The following LRRC17 variants were observed in gnomAD, a reference collection of about 807,000 sequenced individuals.
The protein encoded by LRRC17 is leucine rich repeat containing 17, also known as leucine-rich repeat-containing protein 17.
A neutral mutation model predicts 41.5 loss-of-function variants in LRRC17; 33 were observed. The ratio of observed to expected loss-of-function variants is 0.80; its 90% CI spans 0.60 to 1.06. The LOEUF (loss-of-function observed/expected upper bound fraction) is 1.06, where lower values mean the gene tolerates loss of function less well. Ranked by LOEUF, LRRC17 falls within the 50% of genes least tolerant of loss-of-function variation. The pLI is 0.00. For missense variants in LRRC17, 491 were observed against 519.3 expected (o/e 0.95, Z 0.53); for synonymous variants, 192 against 197.0 (o/e 0.97, Z 0.21).
intron 1 of LRRC17, among the ~76,000 whole-genome samples, chr7:102,919,465 T>C (rs1156973568): frequency 6.6e-6 from 1 of 152,148 alleles, no homozygotes; most frequent in African/African-American, 2.4e-5. Flanking sequence ...AAAAATATAT[T>C]TTAGTGTTCA....
intron 1 of LRRC17, among the ~76,000 whole-genome samples, chr7:102,932,187 A>G (rs558349385): frequency 5.3e-5 from 8 of 152,318 alleles, no homozygotes; most frequent in South Asian, 2.1e-4. Context: ...TTACTTTGGG[A>G]AAAACACTAT....
chr7:102,920,302 ACT>A (rs1816731374), intron 1 of LRRC17, among the ~76,000 whole-genome samples: 2 of 152,336 alleles, frequency 1.3e-5, no homozygotes, highest in Non-Finnish European at 1.5e-5. Flanking sequence ...AGACAGAAAT[ACT>A]GAGTACAGTG....
Position 102,944,195 on chromosome 7 carries a change from AT to A in LRRC17, c.929-11del, listed in dbSNP as rs779000073. On this transcript the variant is annotated splice_polypyrimidine_tract_variant and intron_variant, in intron 3 of 3. Coordinates refer to ENST00000339431, the MANE Select transcript of LRRC17 (RefSeq NM_001031692.3). ...ACTCAATTACTCAGGCTCAATAAATATTTTCTGTTTCCAGCCGCTTTTTTAG... is the reference window on the plus strand; with the variant it reads ...ACTCAATTACTCAGGCTCAATAAATATTTCTGTTTCCAGCCGCTTTTTTAG... 3.8e-6 allele frequency: 6 copies of A among 1,583,730 alleles called. No homozygotes were observed. The Admixed American group carries it at 1.1e-4, about 28-fold the overall frequency.
chr7:102,944,728 T>G lies in LRRC17; in HGVS notation c.*121T>G. ...GCAGGGTAATCCAGCTAAAGGAAGC[T>G]TTCTTTAATTATAAGTATTATTGTG... On this transcript the variant is annotated 3_prime_UTR_variant, in exon 4 of 4. Coordinates refer to ENST00000339431, the MANE Select transcript of LRRC17 (RefSeq NM_001031692.3). 1 of 832,232 alleles carries G rather than the reference T, an allele frequency of 1.2e-6. No individual in the cohort carries two copies. The highest frequency in any genetic ancestry group is 1.8e-6 in the Non-Finnish European group (1 of 550,368). The allele number at this position is 832,232 out of a possible 1,614,324, so 51.6% of individuals were successfully genotyped here.
chr7:102,940,123 A>G (rs952983806), intron 3 of LRRC17, among the ~76,000 whole-genome samples: 1 of 151,480 alleles, frequency 6.6e-6, no homozygotes, highest in South Asian at 2.1e-4. Flanking sequence ...CAAACTCCTG[A>G]CCTCAGGTGA....
At chr7:102,935,244 T>C (rs398089032) in intron 2 of LRRC17, among the ~76,000 whole-genome samples, 12 of 6,706 alleles carry the variant, frequency 1.8e-3, no homozygotes, top group Non-Finnish European at 4.9e-3. Flanking sequence ...TTTTCTTTCT[T>C]TTTTTTTTTT....
Position 102,934,500 on chromosome 7 carries a change from A to G in LRRC17, c.587A>G (p.Gln196Arg), listed in dbSNP as rs1819894170. 1 of 1,613,818 alleles carries G rather than the reference A, an allele frequency of 6.2e-7. No individual in the cohort carries two copies. Among genetic ancestry groups the G allele is most frequent in the Non-Finnish European group, 8.5e-7 (1 of 1,180,008 alleles). ...AACTACGCCAAGTGTGAAAGTCCACAAGAACAAAAAAATAAAAAACTGCGG... is the reference window on the plus strand; with the variant it reads ...AACTACGCCAAGTGTGAAAGTCCACGAGAACAAAAAAATAAAAAACTGCGG... ...LGNYAKCESPQEQKNKKLRQI... is the reference protein window; with the variant it reads ...LGNYAKCESPREQKNKKLRQI... Residue 196 changes from glutamine to arginine, a missense_variant, in exon 2 of 4, where the codon CAA becomes CGA. Coordinates refer to ENST00000339431, the MANE Select transcript of LRRC17 (RefSeq NM_001031692.3).
chr7:102,916,670 G>A (rs1252661793), intron 1 of LRRC17, among the ~76,000 whole-genome samples: 9 of 152,244 alleles, frequency 5.9e-5, no homozygotes, highest in Non-Finnish European at 4.4e-5. Context: ...TCCCCTACAT[G>A]AGTAAGATCT....
At chr7:102,931,948 T>A (rs763120542) in intron 1 of LRRC17, 1 of 1,612,232 alleles carries the variant, frequency 6.2e-7, no homozygotes, top group Non-Finnish European at 8.5e-7. Context: ...ATCAAATAAG[T>A]TACACGTCAC....
chr7:102,919,138 T>TA (rs1368341761), intron 1 of LRRC17, among the ~76,000 whole-genome samples: 1 of 152,210 alleles, frequency 6.6e-6, no homozygotes, highest in Non-Finnish European at 1.5e-5. Context: ...GTTGATAGCT[T>TA]AAAATCGGCC....
Position 102,939,512 on chromosome 7 carries a change from C to A in LRRC17, c.855C>A (p.Pro285=). The A allele has an allele frequency of 6.2e-7, 1 of 1,613,888 alleles. No individual in the cohort carries two copies. Among genetic ancestry groups the A allele is most frequent in the South Asian group, 1.1e-5 (1 of 91,048 alleles). Residue 285 remains proline, a synonymous_variant, in exon 3 of 4, where the codon CCC becomes CCA. Coordinates refer to ENST00000339431, the MANE Select transcript of LRRC17 (RefSeq NM_001031692.3). ...ACAATAAAATCAACCAACTTCGACC[C>A]AAGGAATTTGAAGATGTTCATGAGC... ...LSYNKINQLR[P]KEFEDVHELK... is the part of the protein sequence containing the mutation.
chr7:102,917,010 A>T (rs1397151139), intron 1 of LRRC17, among the ~76,000 whole-genome samples: 2 of 152,198 alleles, frequency 1.3e-5, no homozygotes, highest in African/African-American at 4.8e-5. Context: ...GTATTTAAAT[A>T]AAAAATTCTC....
At chr7:102,916,798 G>C (rs999832324) in intron 1 of LRRC17, among the ~76,000 whole-genome samples, 5 of 150,818 alleles carry the variant, frequency 3.3e-5, no homozygotes, top group African/African-American at 9.8e-5. Flanking sequence ...TTATGGGGGG[G>C]GGTGTGAGTC....
intron 1 of LRRC17, among the ~76,000 whole-genome samples, chr7:102,915,052 C>A (rs1395456149): frequency 1.3e-5 from 2 of 152,034 alleles, no homozygotes; most frequent in Non-Finnish European, 2.9e-5. Flanking sequence ...AAATCCAAGC[C>A]CTGACACTTA....
chr7:102,940,237 G>C (rs1821145295), intron 3 of LRRC17, among the ~76,000 whole-genome samples: 1 of 136,084 alleles, frequency 7.3e-6, no homozygotes, highest in South Asian at 2.3e-4. Context: ...TTGAGATGGA[G>C]TCTAGCTCTG....
chr7:102,928,590 T>C (rs943732521), intron 1 of LRRC17, among the ~76,000 whole-genome samples: 1 of 152,234 alleles, frequency 6.6e-6, no homozygotes, highest in Non-Finnish European at 1.5e-5. Context: ...ATGCATTGTT[T>C]TGACTTCCCT....
At position 102,934,499 on chromosome 7, in the gene LRRC17, C is replaced by T; in HGVS notation, c.586C>T (p.Gln196Ter). ...LGNYAKCESPQEQKNKKLRQI... is the reference protein window; with the variant it reads ...LGNYAKCESP ...GAACTACGCCAAGTGTGAAAGTCCA[C>T]AAGAACAAAAAAATAAAAAACTGCG... The change falls in exon 2 of 4, where the codon CAA (glutamine) becomes TAA (stop). Residue 196 changes from glutamine (Q) to a stop codon, truncating the protein, a stop_gained. Transcript: ENST00000339431. LOFTEE classifies it high-confidence loss of function. 6.2e-7 allele frequency: 1 copy of T among 1,613,546 alleles called. No individual in the cohort carries two copies. The highest frequency in any genetic ancestry group is 1.1e-5 in the South Asian group (1 of 91,016).
chr7:102,928,731 T>C (rs751845014), intron 1 of LRRC17, among the ~76,000 whole-genome samples: 10 of 152,234 alleles, frequency 6.6e-5, no homozygotes, highest in African/African-American at 1.9e-4. Context: ...TTTAACATAG[T>C]AGGTGCTAAA....
chr7:102,925,356 T>C (rs1817919239), intron 1 of LRRC17, among the ~76,000 whole-genome samples: 2 of 152,236 alleles, frequency 1.3e-5, no homozygotes, highest in South Asian at 4.1e-4. Context: ...GATTGTACCA[T>C]TGCATTGCAG....
Sources: allele counts gnomAD v4.1 joint callset (sites outside exome capture counted in the v4.1 genomes callset), GRCh38; gene constraint gnomAD v4.1.1; transcripts MANE v1.5; gene names NCBI Gene and HGNC (gene_info 2026-07-23, HGNC 2026-07-21).